RPTOR: variants seen among roughly 807,000 people sequenced by gnomAD.
RPTOR encodes the protein regulatory-associated protein of mTOR.
A neutral mutation model predicts 169.9 loss-of-function variants in RPTOR; 21 were observed. The observed-to-expected ratio is 0.12, with a 90% CI of 0.09 to 0.18. The LOEUF (loss-of-function observed/expected upper bound fraction) is 0.18. Among genes scored for constraint, RPTOR ranks in the 10% least tolerant of loss-of-function variants. The probability of loss-of-function intolerance (pLI) is 1.00; values close to 1 mark genes in which losing one functional copy is unlikely to be tolerated. For missense variants in RPTOR, 1,133 were observed against 1,855.9 expected, an observed-to-expected ratio of 0.61 and a Z score of 7.16; for synonymous variants, 732 against 753.2, an observed-to-expected ratio of 0.97 and a Z score of 0.46.
chr17:80,582,472 A>G (rs1013389218), intron 1 of RPTOR, among the ~76,000 whole-genome samples: 5 of 150,938 alleles, frequency 3.3e-5, no homozygotes, highest in African/African-American at 1.2e-4. Flanking sequence ...GCCCTCTCTG[A>G]TCGCACATAC....
At chr17:80,927,284 A>G (rs1485322851) in intron 24 of RPTOR, among the ~76,000 whole-genome samples, 4 of 152,212 alleles carry the variant, frequency 2.6e-5, no homozygotes, top group East Asian at 1.9e-4. Context: ...CTCGTGCTTA[A>G]GGCAGACAAG....
chr17:80,613,785 G>T (rs907067264), intron 1 of RPTOR, among the ~76,000 whole-genome samples: 4 of 151,698 alleles, frequency 2.6e-5, no homozygotes, highest in Non-Finnish European at 4.4e-5. Flanking sequence ...TGTTGGACTC[G>T]GGCTGGGCCA....
chr17:80,843,373 A>G (rs2067691434), intron 10 of RPTOR, among the ~76,000 whole-genome samples: 1 of 152,126 alleles, frequency 6.6e-6, no homozygotes, highest in Non-Finnish European at 1.5e-5. Context: ...GTGAGCCAAG[A>G]TCATGCCACT....
chr17:80,924,710 A>G (rs544916674), intron 23 of RPTOR, among the ~76,000 whole-genome samples: 2 of 152,126 alleles, frequency 1.3e-5, no homozygotes, highest in Non-Finnish European at 1.5e-5. Context: ...CCCTGAGATC[A>G]TGGGGAGCTC....
intron 3 of RPTOR, among the ~76,000 whole-genome samples, chr17:80,649,594 G>A (rs1352788035): frequency 2.0e-5 from 3 of 152,154 alleles, no homozygotes; most frequent in African/African-American, 7.2e-5. Flanking sequence ...GAAGCACTTT[G>A]CCTGTGTACT....
At chr17:80,738,500 G>A (rs571898995) in intron 5 of RPTOR, among the ~76,000 whole-genome samples, 5 of 143,098 alleles carry the variant, frequency 3.5e-5, no homozygotes, top group South Asian at 2.2e-4. Context: ...AACCCTTACC[G>A]CTGATGACCT....
chr17:80,896,552 G>A (rs980159038), intron 20 of RPTOR, among the ~76,000 whole-genome samples: 2 of 13,094 alleles, frequency 1.5e-4, no homozygotes, highest in Non-Finnish European at 2.5e-4. Context: ...CGGCCGCGCC[G>A]ACACCCCACA....
intron 3 of RPTOR, among the ~76,000 whole-genome samples, chr17:80,694,535 A>T (rs2066020273): frequency 6.6e-6 from 1 of 152,166 alleles, no homozygotes; most frequent in South Asian, 2.1e-4. Context: ...GGTTCTGGTG[A>T]CCAGGGTGGA....
intron 13 of RPTOR, among the ~76,000 whole-genome samples, chr17:80,867,455 A>G (rs1262781725): frequency 6.6e-6 from 1 of 152,174 alleles, no homozygotes; most frequent in African/African-American, 2.4e-5. Flanking sequence ...AACACCATAC[A>G]GTGGTGAAAG....
chr17:80,805,680 A>G (rs925398863), intron 7 of RPTOR: 1 of 152,186 alleles, frequency 6.6e-6, no homozygotes. Context: ...CTGTTTAATA[A>G]AAAAGAATCT....
chr17:80,635,153 G>A (rs564480913), intron 2 of RPTOR, among the ~76,000 whole-genome samples: 1 of 152,254 alleles, frequency 6.6e-6, no homozygotes, highest in African/African-American at 2.4e-5. Context: ...CTCTGCCATT[G>A]CTGCTCCTCT....
chr17:80,842,066 G>A (rs188667463), intron 10 of RPTOR, among the ~76,000 whole-genome samples: 1 of 152,194 alleles, frequency 6.6e-6, no homozygotes, highest in African/African-American at 2.4e-5. Flanking sequence ...TCACGGCGCT[G>A]CAGCTCACAT....
intron 1 of RPTOR, chr17:80,602,854 CT>C: frequency 1.9e-6 from 1 of 537,332 alleles, no homozygotes; most frequent in South Asian, 1.9e-5. Context: ...TTGATGGTGT[CT>C]TCTCGGGTCA....
chr17:80,647,712 T>A (rs2065607534), intron 3 of RPTOR, among the ~76,000 whole-genome samples: 2 of 152,198 alleles, frequency 1.3e-5, no homozygotes, highest in African/African-American at 2.4e-5. Flanking sequence ...CAGGTGTGTC[T>A]AGGGGAGGAG....
At chr17:80,818,625 C>T (rs1405958437) in intron 7 of RPTOR, among the ~76,000 whole-genome samples, 1 of 152,214 alleles carries the variant, frequency 6.6e-6, no homozygotes. Context: ...CAAGAAGCCT[C>T]ATCAGCTTTT....
Position 80,730,467 on chromosome 17 carries a change from C to G in RPTOR, c.508-93C>G. 1 of 1,422,082 alleles carries G rather than the reference C, an allele frequency of 7.0e-7. No individual in the cohort carries two copies. Among genetic ancestry groups the G allele is most frequent in the East Asian group, 2.3e-5 (1 of 43,256 alleles). The allele number at this position is 1,422,082 out of a possible 1,614,324, so 88.1% of individuals were successfully genotyped here. On this transcript the variant is annotated intron_variant, in intron 4 of 33. Transcript: ENST00000306801. This position sits in a 1 kb window ranked among gnomAD's most constrained non-coding sequence, Gnocchi z 4.2. Reference sequence around the variant, plus strand: ...TCAGCGTCTCTCCAGCCACCAGGCTCAATGTGTGTGCCTTTTGTAACGGTG... The same window carrying G: ...TCAGCGTCTCTCCAGCCACCAGGCTGAATGTGTGTGCCTTTTGTAACGGTG...
At chr17:80,728,702 T>C (rs2066361976) in intron 4 of RPTOR, among the ~76,000 whole-genome samples, 1 of 152,132 alleles carries the variant, frequency 6.6e-6, no homozygotes. Flanking sequence ...TGAGTCCCTA[T>C]TCATTATTCT....
At chr17:80,700,727 GTGATGA>G (rs1567864657) in intron 3 of RPTOR, among the ~76,000 whole-genome samples, 13 of 4,944 alleles carry the variant, frequency 2.6e-3, no homozygotes, top group African/African-American at 3.3e-3. Flanking sequence ...GGTGGTGGTG[GTGATGA>G]TGGTGGTGGT....
rs2065100981 is a variant in RPTOR, at chr17:80,591,060, T to G, written c.163-34631T>G. ...TTGTTACTTAAAAAGTTTAGTGGCA[T>G]AGAGTTGTTCAAAGTCACCTCTTGT... On this transcript the variant is annotated intron_variant, in intron 1 of 33. Transcript: ENST00000306801. Among the ~76,000 whole-genome samples the G allele has an allele frequency of 1.3e-5, 2 of 150,890 alleles. 1 individual carries two copies. The highest frequency in any genetic ancestry group is 5.0e-5 in the African/African-American group (2 of 40,278).
Sources: gnomAD v4.1 joint callset for allele counts (sites outside exome capture counted in the v4.1 genomes callset) on GRCh38, gnomAD v4.1.1 for gene constraint, Gnocchi (gnomAD v3.1) non-coding constraint, MANE v1.5 for transcripts, NCBI Gene and HGNC (gene_info 2026-07-23, HGNC 2026-07-21) for gene names.